The following MTUS2 variants were observed in gnomAD, a reference collection of about 807,000 sequenced individuals.
MTUS2 encodes the protein microtubule-associated tumor suppressor candidate 2.
A neutral mutation model predicts 114.1 loss-of-function variants in MTUS2; 40 were observed. That is an observed-to-expected ratio of 0.35 (90% confidence interval 0.27 to 0.46). The LOEUF is 0.46. Ranked by LOEUF, MTUS2 falls within the 20% of genes least tolerant of loss-of-function variation. The pLI is 1.00. For missense variants in MTUS2, 1,679 were observed against 1,705.4 expected (o/e 0.98, Z 0.27); for synonymous variants, 688 against 672.0 (o/e 1.02, Z -0.37).
At position 29,214,182 on chromosome 13, in the gene MTUS2, T is replaced by C. The variant is rs1015159772; in HGVS notation, c.2645-67522T>C. The stretch of plus-strand genomic sequence containing the variant: ...ATGTTATGAACCTATACTACATTGT[T>C]TTTTTTTTTTTGCTTTCCATTTGCT... On this transcript the variant is annotated intron_variant, in intron 5 of 15. Transcript: ENST00000612955. Among the ~76,000 whole-genome samples, 4 of 4,930 alleles carry C rather than the reference T, an allele frequency of 8.1e-4. No homozygotes were observed. In the African/African-American group the frequency reaches 9.7e-3, roughly 12 times the overall value. The allele number at this position is 4,930 out of a possible 152,430, so 3.2% of individuals were successfully genotyped here.
intron 6 of MTUS2, among the ~76,000 whole-genome samples, chr13:29,291,375 T>C (rs1264438893): frequency 2.0e-5 from 3 of 152,222 alleles, no homozygotes; most frequent in African/African-American, 4.8e-5. Flanking sequence ...TTCAATGGTG[T>C]CTTAAGCCTC....
At chr13:28,840,750 G>A (rs1462435657) in intron 2 of MTUS2, among the ~76,000 whole-genome samples, 1 of 152,156 alleles carries the variant, frequency 6.6e-6, no homozygotes, top group Non-Finnish European at 1.5e-5. Flanking sequence ...GACACTTTTT[G>A]TTAAGGTCTG....
chr13:28,935,031 T>C (rs1393430859), intron 2 of MTUS2, among the ~76,000 whole-genome samples: 3 of 148,330 alleles, frequency 2.0e-5, no homozygotes, highest in Non-Finnish European at 4.4e-5. Flanking sequence ...TTTTTTTTTT[T>C]TTGCCCATGC....
chr13:29,014,621 C>G (rs892307085), intron 2 of MTUS2, among the ~76,000 whole-genome samples: 22 of 152,146 alleles, frequency 1.4e-4, no homozygotes, highest in African/African-American at 5.1e-4. Flanking sequence ...GGAGGACCAT[C>G]CAGGAAAGCC....
chr13:29,136,928 G>A (rs1892003197), intron 5 of MTUS2, among the ~76,000 whole-genome samples: 1 of 152,144 alleles, frequency 6.6e-6, no homozygotes, highest in Non-Finnish European at 1.5e-5. Flanking sequence ...TGTGGGATGT[G>A]ATGCTATTTC....
At chr13:29,127,715 A>T (rs1467481797) in intron 5 of MTUS2, among the ~76,000 whole-genome samples, 1 of 152,198 alleles carries the variant, frequency 6.6e-6, no homozygotes, top group African/African-American at 2.4e-5. Context: ...CACAGCTTGC[A>T]CATGGCTGCA....
intron 2 of MTUS2, among the ~76,000 whole-genome samples, chr13:28,929,497 C>T (rs1311965813): frequency 1.3e-5 from 2 of 151,892 alleles, no homozygotes; most frequent in Non-Finnish European, 2.9e-5. Context: ...TCTGAGAAGG[C>T]CTGAAACTTG....
chr13:28,890,011 G>A (rs751314159), intron 2 of MTUS2, among the ~76,000 whole-genome samples: 1 of 152,142 alleles, frequency 6.6e-6, no homozygotes, highest in Non-Finnish European at 1.5e-5. Context: ...GGAGGGCATA[G>A]CAAGAAAGTT....
At chr13:28,994,390 G>T (rs1884996384) in intron 2 of MTUS2, among the ~76,000 whole-genome samples, 1 of 152,182 alleles carries the variant, frequency 6.6e-6, no homozygotes, top group African/African-American at 2.4e-5. Flanking sequence ...ATAGCAGCAT[G>T]ATTTATAATC....
chr13:29,205,804 G>C (rs769939132), intron 5 of MTUS2, among the ~76,000 whole-genome samples: 1 of 152,136 alleles, frequency 6.6e-6, no homozygotes, highest in African/African-American at 2.4e-5. Flanking sequence ...TTATCTACTT[G>C]TTAACTGATG....
intron 8 of MTUS2, among the ~76,000 whole-genome samples, chr13:29,392,772 TGG>T (rs71744785): frequency 0.038 from 5,833 of 152,214 alleles, 389 homozygotes; most frequent in African/African-American, 0.13. Context: ...AGTTTCAACC[TGG>T]GATAATAAAA....
At chr13:29,135,156 G>A (rs1022425538) in intron 5 of MTUS2, among the ~76,000 whole-genome samples, 3 of 152,122 alleles carry the variant, frequency 2.0e-5, no homozygotes, top group African/African-American at 7.2e-5. Flanking sequence ...TATCTATACT[G>A]TGTGCACTAC....
chr13:29,233,899 A>C (rs1462211749), intron 5 of MTUS2, among the ~76,000 whole-genome samples: 7 of 152,232 alleles, frequency 4.6e-5, no homozygotes, highest in Non-Finnish European at 2.9e-5. Context: ...GAATACTGCC[A>C]CTGCCATACC....
At chr13:28,909,868 G>A (rs1593292420) in intron 2 of MTUS2, among the ~76,000 whole-genome samples, 2 of 152,054 alleles carry the variant, frequency 1.3e-5, no homozygotes, top group Non-Finnish European at 2.9e-5. Flanking sequence ...AATCACAGCC[G>A]TTCTTCAGCA....
intron 5 of MTUS2, among the ~76,000 whole-genome samples, chr13:29,249,557 T>C (rs990675077): frequency 1.2e-4 from 18 of 152,302 alleles, no homozygotes; most frequent in Non-Finnish European, 2.1e-4. Context: ...TCTGTAATGA[T>C]CAGTGATGTT....
chr13:29,269,905 A>G (rs1370517233), intron 5 of MTUS2, among the ~76,000 whole-genome samples: 1 of 152,222 alleles, frequency 6.6e-6, no homozygotes, highest in African/African-American at 2.4e-5. Context: ...CATTTTTGAC[A>G]ACATAGATGA....
At chr13:29,173,033 A>C (rs980828256) in intron 5 of MTUS2, among the ~76,000 whole-genome samples, 1 of 152,152 alleles carries the variant, frequency 6.6e-6, no homozygotes, top group Non-Finnish European at 1.5e-5. Context: ...AGGAACCTTC[A>C]TATAGGCACC....
intron 6 of MTUS2, among the ~76,000 whole-genome samples, chr13:29,291,756 A>T (rs933346960): frequency 6.6e-6 from 1 of 152,164 alleles, no homozygotes; most frequent in African/African-American, 2.4e-5. Context: ...TTCCCAGCTC[A>T]GATAGGAGGC....
chr13:28,930,906 A>G (rs373812901), intron 2 of MTUS2, among the ~76,000 whole-genome samples: 3 of 152,206 alleles, frequency 2.0e-5, no homozygotes, highest in Non-Finnish European at 4.4e-5. Context: ...AATAACTCCT[A>G]CTAGTGGAGT....
Sources: allele counts gnomAD v4.1 joint callset (sites outside exome capture counted in the v4.1 genomes callset), GRCh38; gene constraint gnomAD v4.1.1; transcripts MANE v1.5; gene names NCBI Gene and HGNC (gene_info 2026-07-23, HGNC 2026-07-21).